The following PRLR variants were observed in gnomAD, a reference collection of about 807,000 sequenced individuals.
PRLR encodes prolactin receptor.
Under a neutral mutation model 40.2 loss-of-function variants are expected in PRLR, and 13 were observed. The observed-to-expected ratio is 0.32, with a 90% CI of 0.21 to 0.51. The LOEUF (loss-of-function observed/expected upper bound fraction) is 0.51, where lower values mean the gene tolerates loss of function less well. Ranked by LOEUF, PRLR falls within the 20% of genes least tolerant of loss-of-function variation. The pLI, the probability that PRLR is intolerant of heterozygous loss-of-function variation, is 0.97. For missense variants in PRLR, 656 were observed against 747.3 expected, an observed-to-expected ratio of 0.88 and a Z score of 1.42; for synonymous variants, 269 against 278.7, an observed-to-expected ratio of 0.97 and a Z score of 0.35.
chr5:35,086,560 G>GGTGTGTGTGTGTGT (rs113256007), intron 3 of PRLR, among the ~76,000 whole-genome samples: 1,670 of 148,152 alleles, frequency 0.011, 32 homozygotes, highest in African/African-American at 0.039. Context: ...GCATTTTGCT[G>GGTGTGTGTGTGTGT]GTGTGTGTGT....
intron 5 of PRLR, among the ~76,000 whole-genome samples, chr5:35,074,663 T>C (rs1225796490): frequency 1.3e-5 from 2 of 151,982 alleles, no homozygotes; most frequent in East Asian, 3.9e-4. Flanking sequence ...CAGAACTAGA[T>C]AGTGGTGATG....
chr5:35,228,546 C>A (rs1204034852), intron 1 of PRLR, among the ~76,000 whole-genome samples: 1 of 152,200 alleles, frequency 6.6e-6, no homozygotes, highest in Non-Finnish European at 1.5e-5. Flanking sequence ...GGCCTCCCTG[C>A]CATCCAGCTA....
rs144902784 is a variant in PRLR, at chr5:35,049,048, A to T, written c.*239T>A. On this transcript the variant is annotated 3_prime_UTR_variant, in exon 9 of 9. Coordinates refer to the PRLR transcript ENST00000231423. ...GTGAAGGCACTAGGTAAGCAGAGGGAGTATGTTACATTCAATATAATTGTC... is the reference window on the plus strand; with the variant it reads ...GTGAAGGCACTAGGTAAGCAGAGGGTGTATGTTACATTCAATATAATTGTC... 6.0e-4 allele frequency: 367 copies of T among 611,824 alleles called. 1 individual carries two copies. The African/African-American group carries it at 6.1e-3, about 10-fold the overall frequency. The allele number at this position is 611,824 out of a possible 1,614,324, so 37.9% of individuals were successfully genotyped here. A position where few individuals can be genotyped will look rare whatever the true frequency, so the allele number is the denominator to read the frequency against.
exon 9 of PRLR, chr5:35,049,293 G>A: frequency 1.4e-6 from 1 of 703,328 alleles, no homozygotes; most frequent in South Asian, 1.5e-5. Context: ...AGCTCTACTG[G>A]ACTGTGGTCA....
At chr5:35,108,731 G>T (rs530016725) in intron 2 of PRLR, among the ~76,000 whole-genome samples, 1 of 152,144 alleles carries the variant, frequency 6.6e-6, no homozygotes, top group African/African-American at 2.4e-5. Context: ...TAAACAAATG[G>T]AAGAACATGC....
chr5:35,131,728 G>T (rs1008250589), intron 1 of PRLR, among the ~76,000 whole-genome samples: 21 of 152,068 alleles, frequency 1.4e-4, no homozygotes, highest in African/African-American at 4.6e-4. Flanking sequence ...GCCACACAGG[G>T]TCATTCTCAG....
chr5:35,219,425 G>A (rs1434978121), intron 1 of PRLR, among the ~76,000 whole-genome samples: 1 of 152,098 alleles, frequency 6.6e-6, no homozygotes. Flanking sequence ...ATTATAAAGG[G>A]TGGCTGGAAG....
At position 35,060,859 on chromosome 5, in the gene PRLR, A is replaced by G. The variant is rs1354897759; in HGVS notation, c.*4230T>C. On this transcript the variant is annotated 3_prime_UTR_variant, in exon 10 of 10. Transcript: ENST00000618457. Reference sequence around the variant, plus strand: ...TGTTCTCTTCAGGTTTAGGCATGTAAGCCAATGACATTCAAAAATGTATCA... The same window carrying G: ...TGTTCTCTTCAGGTTTAGGCATGTAGGCCAATGACATTCAAAAATGTATCA... The G allele has an allele frequency of 1.3e-5, 2 of 152,208 alleles. No homozygotes were observed. Among genetic ancestry groups the G allele is most frequent in the African/African-American group, 4.8e-5 (2 of 41,454 alleles). 9.4% of individuals were successfully genotyped at this position (152,208 alleles called of 1,614,324 possible). A position where few individuals can be genotyped will look rare whatever the true frequency, so the allele number is the denominator to read the frequency against.
rs1397314036 is a variant in PRLR at position 35,062,502 on chromosome 5, A to G, written c.*2587T>C. On this transcript the variant is annotated 3_prime_UTR_variant, in exon 10 of 10. Transcript: ENST00000618457. ...ATAAACAGTGCTAATTGATCATAGA[A>G]TTAAAGTCTTGGCCTAATGAGTGGC... The G allele has an allele frequency of 6.7e-6, 1 of 149,434 alleles. No homozygotes were observed. Among genetic ancestry groups the G allele is most frequent in the Non-Finnish European group, 1.5e-5 (1 of 67,894 alleles). The allele number at this position is 149,434 out of a possible 1,614,324, so 9.3% of individuals were successfully genotyped here. A position where few individuals can be genotyped will look rare whatever the true frequency, so the allele number is the denominator to read the frequency against.
chr5:35,096,728 C>A (rs1021110885), intron 2 of PRLR, among the ~76,000 whole-genome samples: 4 of 151,808 alleles, frequency 2.6e-5, no homozygotes, highest in African/African-American at 9.7e-5. Context: ...TCAAGTGATT[C>A]CCCTGCCTTA....
chr5:35,163,440 C>G (rs184857943), intron 1 of PRLR, among the ~76,000 whole-genome samples: 46 of 152,212 alleles, frequency 3.0e-4, no homozygotes, highest in Non-Finnish European at 4.4e-5. Flanking sequence ...CAGAGGAATG[C>G]CATTTCATGA....
chr5:35,145,423 G>T (rs1306301190), intron 1 of PRLR, among the ~76,000 whole-genome samples: 1 of 152,150 alleles, frequency 6.6e-6, no homozygotes, highest in South Asian at 2.1e-4. Context: ...GCTAAGGGAA[G>T]AAGTCCCTAC....
At chr5:35,167,153 CTATCTAT>C (rs1774860777) in intron 1 of PRLR, among the ~76,000 whole-genome samples, 1 of 150,726 alleles carries the variant, frequency 6.6e-6, no homozygotes, top group Non-Finnish European at 1.5e-5. Context: ...ATCTATCTAT[CTATCTAT>C]CTATCTATCT....
intron 2 of PRLR, among the ~76,000 whole-genome samples, chr5:35,106,695 A>C (rs922156659): frequency 6.6e-6 from 1 of 152,208 alleles, no homozygotes. Context: ...ATATACATGC[A>C]CCCAATACAG....
At position 35,077,361 on chromosome 5, in the gene PRLR, C is replaced by A. The variant is rs181540877; in HGVS notation, c.374-4617G>T. ...AAGGAATGGAGGAAGATCTACCAAGCAAATGGAAAACAAAACAAAACAAAA... is the reference window on the plus strand; with the variant it reads ...AAGGAATGGAGGAAGATCTACCAAGAAAATGGAAAACAAAACAAAACAAAA... On this transcript the variant is annotated intron_variant, in intron 5 of 9. Coordinates refer to ENST00000618457, the MANE Select transcript of PRLR (RefSeq NM_000949.7). 4.1e-3 allele frequency among the ~76,000 whole-genome samples: 631 copies of A among 152,078 alleles called. 2 individuals are homozygous for A. Among genetic ancestry groups the A allele is most frequent in the Non-Finnish European group, 7.6e-3 (517 of 67,970 alleles).
At chr5:35,185,564 C>G (rs1260794018) in intron 1 of PRLR, among the ~76,000 whole-genome samples, 1 of 152,132 alleles carries the variant, frequency 6.6e-6, no homozygotes, top group African/African-American at 2.4e-5. Flanking sequence ...ACAAAAATCC[C>G]CATGGCAACG....
At chr5:35,150,406 T>A (rs1466515820) in intron 1 of PRLR, among the ~76,000 whole-genome samples, 1 of 152,172 alleles carries the variant, frequency 6.6e-6, no homozygotes, top group Non-Finnish European at 1.5e-5. Flanking sequence ...TTTTGGAAAA[T>A]AAGAGCCTTC....
At chr5:35,114,945 G>C (rs1268403106) in intron 2 of PRLR, among the ~76,000 whole-genome samples, 1 of 152,186 alleles carries the variant, frequency 6.6e-6, no homozygotes, top group African/African-American at 2.4e-5. Context: ...CCTGCCCACA[G>C]AGCTGGTGAT....
At chr5:35,203,989 C>A (rs1457649953) in intron 1 of PRLR, among the ~76,000 whole-genome samples, 1 of 151,970 alleles carries the variant, frequency 6.6e-6, no homozygotes, top group Non-Finnish European at 1.5e-5. Context: ...AACCCAACAA[C>A]AAAAACAACA....
Sources: gnomAD v4.1 joint callset for allele counts (sites outside exome capture counted in the v4.1 genomes callset) on GRCh38, gnomAD v4.1.1 for gene constraint, MANE v1.5 for transcripts, NCBI Gene and HGNC (gene_info 2026-07-23, HGNC 2026-07-21) for gene names.